Variants in SIPA1L3 observed in about 807,000 individuals in gnomAD.
The protein encoded by SIPA1L3 is signal induced proliferation associated 1 like 3.
SIPA1L3 carries 59 observed loss-of-function variants against 150.1 expected under a neutral mutation model. The observed-to-expected ratio is 0.39, with a 90% CI of 0.32 to 0.49. The LOEUF is 0.49. Among genes scored for constraint, SIPA1L3 ranks in the 20% least tolerant of loss-of-function variants. SIPA1L3 has a pLI of 0.86. For missense variants in SIPA1L3, 2,211 were observed against 2,489.5 expected (o/e 0.89, Z 2.38); for synonymous variants, 1,070 against 1,077.6 (o/e 0.99, Z 0.14).
chr19:38,035,710 AGAT>A (rs1968765306), intron 2 of SIPA1L3, among the ~76,000 whole-genome samples: 2 of 152,120 alleles, frequency 1.3e-5, no homozygotes, highest in African/African-American at 4.8e-5. Flanking sequence ...GTCGCATAAT[AGAT>A]GATAATGAGA....
At chr19:37,959,617 C>T (rs770120504) in intron 1 of SIPA1L3, among the ~76,000 whole-genome samples, 4 of 152,164 alleles carry the variant, frequency 2.6e-5, no homozygotes, top group Non-Finnish European at 4.4e-5. Flanking sequence ...TGGTGAATTA[C>T]ACACTTTTAA....
intron 15 of SIPA1L3, among the ~76,000 whole-genome samples, chr19:38,171,368 C>G (rs985752972): frequency 2.7e-4 from 39 of 144,896 alleles, no homozygotes; most frequent in Admixed American, 2.2e-3. Context: ...AGACCCATCT[C>G]TATCCCCCTA....
In SIPA1L3 at chr19:38,082,406, G is replaced by T; in HGVS notation, c.841G>T (p.Glu281Ter). ...LLPLQPTKEKEKARKKPARGL... is the reference protein window; with the variant it reads ...LLPLQPTKEK ...GCCACTGCAGCCCACGAAGGAGAAG[G>T]AGAAGGCCCGGAAGAAACCTGCGCG... The change falls in exon 3 of 22, where the codon GAG (glutamate) becomes TAG (stop). Residue 281 changes from glutamate to a stop codon, truncating the protein, a stop_gained. Coordinates refer to ENST00000222345, the MANE Select transcript of SIPA1L3 (RefSeq NM_015073.3). LOFTEE classifies it high-confidence loss of function. The T allele has an allele frequency of 6.3e-7, 1 of 1,598,260 alleles. No homozygotes were observed. The highest frequency in any genetic ancestry group is 8.5e-7 in the Non-Finnish European group (1 of 1,176,856).
At chr19:38,097,350 A>C (rs1281207126) in intron 4 of SIPA1L3, among the ~76,000 whole-genome samples, 1 of 152,198 alleles carries the variant, frequency 6.6e-6, no homozygotes, top group African/African-American at 2.4e-5. Flanking sequence ...CCCTGTCTTC[A>C]AAAGAAAAAA....
chr19:38,151,101 A>G (rs756265896), intron 12 of SIPA1L3, among the ~76,000 whole-genome samples: 3 of 152,166 alleles, frequency 2.0e-5, no homozygotes, highest in Non-Finnish European at 4.4e-5. Flanking sequence ...TGGTAGCAAC[A>G]GGGCAGCAGC....
chr19:38,069,525 G>C (rs1349671461), intron 2 of SIPA1L3, among the ~76,000 whole-genome samples: 1 of 152,122 alleles, frequency 6.6e-6, no homozygotes, highest in Non-Finnish European at 1.5e-5. Flanking sequence ...TGCTCTCTCT[G>C]TTCCTTCTGT....
chr19:38,142,824 G>A (rs1971622968), intron 12 of SIPA1L3, 114 bp downstream of exon 12: 1 of 1,348,396 alleles, frequency 7.4e-7, no homozygotes, highest in Non-Finnish European at 1.0e-6. Flanking sequence ...GGTGTTTCTG[G>A]ACCCCTGAAG....
chr19:38,198,775 G>A (rs958266058), intron 19 of SIPA1L3, among the ~76,000 whole-genome samples: 1 of 152,224 alleles, frequency 6.6e-6, no homozygotes, highest in Admixed American at 6.5e-5. Context: ...CTGCCATGAC[G>A]ATTACACAAA....
chr19:38,006,108 A>G (rs1395863859), intron 1 of SIPA1L3, among the ~76,000 whole-genome samples: 1 of 152,166 alleles, frequency 6.6e-6, no homozygotes, highest in African/African-American at 2.4e-5. Flanking sequence ...CCAAGACATC[A>G]TGTAACTAGT....
intron 18 of SIPA1L3, among the ~76,000 whole-genome samples, chr19:38,197,413 T>C (rs1305596827): frequency 6.6e-6 from 1 of 152,044 alleles, no homozygotes; most frequent in Non-Finnish European, 1.5e-5. Flanking sequence ...CGCCGTTGCT[T>C]CTCACTTCCA....
At chr19:38,178,634 C>T (rs1227712264) in intron 15 of SIPA1L3, among the ~76,000 whole-genome samples, 2 of 152,002 alleles carry the variant, frequency 1.3e-5, no homozygotes, top group Non-Finnish European at 2.9e-5. Context: ...CACCACCATG[C>T]CCAGCTAATT....
At chr19:37,971,011 A>G (rs1966918372) in intron 1 of SIPA1L3, among the ~76,000 whole-genome samples, 4 of 152,106 alleles carry the variant, frequency 2.6e-5, no homozygotes, top group Admixed American at 2.0e-4. Flanking sequence ...GGGAGGATGT[A>G]AGAGGAGAGG....
At chr19:38,103,859 A>G (rs1233820823) in intron 6 of SIPA1L3, among the ~76,000 whole-genome samples, 1 of 142,136 alleles carries the variant, frequency 7.0e-6, no homozygotes, top group Non-Finnish European at 1.5e-5. Flanking sequence ...CCGAGATCGC[A>G]CCACCGCACT....
chr19:38,202,569 C>T (rs1444205025), intron 20 of SIPA1L3, among the ~76,000 whole-genome samples: 2 of 152,114 alleles, frequency 1.3e-5, no homozygotes, highest in African/African-American at 2.4e-5. Context: ...GCCTGGGCCA[C>T]AGAGGGAGAC....
intron 15 of SIPA1L3, among the ~76,000 whole-genome samples, chr19:38,171,894 C>T (rs1026520771): frequency 6.6e-6 from 1 of 151,932 alleles, no homozygotes; most frequent in African/African-American, 2.4e-5. Context: ...AGAGCAAGGC[C>T]CTGGAGGTAG....
chr19:37,990,911 G>T (rs946602283), intron 1 of SIPA1L3, among the ~76,000 whole-genome samples: 13 of 152,206 alleles, frequency 8.5e-5, no homozygotes, highest in African/African-American at 2.9e-4. Context: ...AAAGAGAGGG[G>T]AGGTAACTTG....
chr19:37,993,525 G>A (rs574671011), intron 1 of SIPA1L3, among the ~76,000 whole-genome samples: 5 of 152,252 alleles, frequency 3.3e-5, no homozygotes, highest in African/African-American at 1.2e-4. Context: ...TAGAGACAGC[G>A]TTTCACTGTG....
chr19:38,160,254 T>TC (rs1445089664), intron 13 of SIPA1L3, among the ~76,000 whole-genome samples: 1 of 151,936 alleles, frequency 6.6e-6, no homozygotes, highest in African/African-American at 2.4e-5. Context: ...CCTCAAATGA[T>TC]CCCCCCATCT....
At chr19:38,000,634 C>T (rs1032914615) in intron 1 of SIPA1L3, among the ~76,000 whole-genome samples, 6 of 147,716 alleles carry the variant, frequency 4.1e-5, no homozygotes, top group African/African-American at 1.2e-4. Flanking sequence ...TTATTTTTCA[C>T]TCGATGTTCA....
Sources: allele counts gnomAD v4.1 joint callset (sites outside exome capture counted in the v4.1 genomes callset), GRCh38; gene constraint gnomAD v4.1.1; transcripts MANE v1.5; gene names NCBI Gene and HGNC (gene_info 2026-07-23, HGNC 2026-07-21).